The following ANKS6 variants were observed in gnomAD, a reference collection of about 807,000 sequenced individuals.
ANKS6 encodes the protein ankyrin repeat and sterile alpha motif domain containing 6.
ANKS6 carries 47 observed loss-of-function variants against 77.9 expected under a neutral mutation model. The observed-to-expected ratio is 0.60, with a 90% CI of 0.48 to 0.77. The LOEUF is 0.77. Among genes scored for constraint, ANKS6 ranks in the 30% least tolerant of loss-of-function variants. The pLI is 0.00. For missense variants in ANKS6, 1,150 were observed against 1,159.1 expected (o/e 0.99, Z 0.11); for synonymous variants, 488 against 501.7 (o/e 0.97, Z 0.37).
At position 98,760,091 on chromosome 9, in the gene ANKS6, A is replaced by G. The variant is rs911876543; in HGVS notation, c.2143-3488T>C. On this transcript the variant is annotated intron_variant, in intron 11 of 14. Coordinates refer to ENST00000353234, the MANE Select transcript of ANKS6 (RefSeq NM_173551.5). ...CTAAACATCACTATGTACCCCCTAA[A>G]TATGTACAATTATTATGTGTCAATG... Among the ~76,000 whole-genome samples, 5 of 152,258 alleles carry G rather than the reference A, an allele frequency of 3.3e-5. No homozygotes were observed. In the East Asian group the frequency reaches 9.7e-4, roughly 29 times the overall value.
In ANKS6 at chr9:98,734,320, C is replaced by T. The variant is rs182975400; in HGVS notation, c.*2199G>A. On this transcript the variant is annotated 3_prime_UTR_variant, in exon 15 of 15. Coordinates refer to ENST00000353234, the MANE Select transcript of ANKS6 (RefSeq NM_173551.5). ...CATCCAATGAGTTCATGGAGGTCTACATTTGTGAAAAGGTGACCCCCCGGT... is the reference window on the plus strand; with the variant it reads ...CATCCAATGAGTTCATGGAGGTCTATATTTGTGAAAAGGTGACCCCCCGGT... 122 of 985,484 alleles carry T rather than the reference C, an allele frequency of 1.2e-4. 1 individual carries two copies. In the East Asian group the frequency reaches 0.011, roughly 86 times the overall value. 61.0% of individuals were successfully genotyped at this position (985,484 alleles called of 1,614,324 possible). A position where few individuals can be genotyped will look rare whatever the true frequency, so the allele number is the denominator to read the frequency against.
At chr9:98,789,674 CCATT>C (rs1199791575) in intron 2 of ANKS6, among the ~76,000 whole-genome samples, 2 of 152,130 alleles carry the variant, frequency 1.3e-5, no homozygotes, top group Non-Finnish European at 2.9e-5. Context: ...ATAGCCACAC[CCATT>C]CATTTACTCA....
chr9:98,734,100 T>C lies in ANKS6; in HGVS notation c.*2419A>G, dbSNP rs965322720. On this transcript the variant is annotated 3_prime_UTR_variant, in exon 15 of 15. Transcript: ENST00000353234. The stretch of plus-strand genomic sequence containing the variant: ...ACACATGCCCCCGCTGGGGTGCCCT[T>C]TCTCTTCCCTGCCTACCAGCCGCAT... The C allele has an allele frequency of 2.1e-5, 21 of 985,328 alleles. No homozygotes were observed. Among genetic ancestry groups the C allele is most frequent in the African/African-American group, 1.4e-4 (8 of 57,216 alleles). The allele number at this position is 985,328 out of a possible 1,614,324, so 61.0% of individuals were successfully genotyped here. A position where few individuals can be genotyped will look rare whatever the true frequency, so the allele number is the denominator to read the frequency against.
Position 98,770,925 on chromosome 9 carries a change from C to G in ANKS6, c.1943G>C (p.Arg648Pro). ...SGGSSGVGVS[R>P]HGGELLNRSG... ...GCGGTTAAGCAGCTCCCCACCGTGCCGGCTCACACCTACCCCACTGGAGCC... is the reference window on the plus strand; with the variant it reads ...GCGGTTAAGCAGCTCCCCACCGTGCGGGCTCACACCTACCCCACTGGAGCC... Residue 648 changes from arginine to proline, a missense_variant, in exon 10 of 15, where the codon CGG becomes CCG. Physicochemically the swap from Arg to Pro is moderately radical, Grantham distance 103. Coordinates refer to ENST00000353234, the MANE Select transcript of ANKS6 (RefSeq NM_173551.5). The G allele has an allele frequency of 1.3e-6, 2 of 1,550,676 alleles. No individual in the cohort carries two copies. Among genetic ancestry groups the G allele is most frequent in the Non-Finnish European group, 1.7e-6 (2 of 1,146,378 alleles).
At chr9:98,790,970 C>T (rs1053155800) in intron 1 of ANKS6, among the ~76,000 whole-genome samples, 2 of 152,204 alleles carry the variant, frequency 1.3e-5, no homozygotes, top group Non-Finnish European at 2.9e-5. Context: ...TGCCTGGCCA[C>T]AGGAAACATC....
At chr9:98,787,516 T>C (rs1301610884) in intron 2 of ANKS6, among the ~76,000 whole-genome samples, 1 of 152,220 alleles carries the variant, frequency 6.6e-6, no homozygotes, top group Non-Finnish European at 1.5e-5. Flanking sequence ...TGTTCACTGA[T>C]GTATCCAAAG....
Position 98,735,950 on chromosome 9 carries a change from A to G in ANKS6, c.*569T>C. ...CTTGGACTAGGAGGGGCAAGTTAGA[A>G]GTTTTAAGGGAAGATGTGCCAGGAA... is the stretch of plus-strand genomic sequence containing the variant. On this transcript the variant is annotated 3_prime_UTR_variant, in exon 15 of 15. Transcript: ENST00000353234. 8.1e-7 allele frequency: 1 copy of G among 1,229,660 alleles called. No individual in the cohort carries two copies. The highest frequency in any genetic ancestry group is 1.0e-6 in the Non-Finnish European group (1 of 987,334). 76.2% of individuals were successfully genotyped at this position (1,229,660 alleles called of 1,614,324 possible).
chr9:98,769,799 G>A (rs1833523446), intron 10 of ANKS6, among the ~76,000 whole-genome samples: 1 of 152,156 alleles, frequency 6.6e-6, no homozygotes, highest in Non-Finnish European at 1.5e-5. Flanking sequence ...GCCTGCTGGG[G>A]CACTGAAGGA....
chr9:98,758,446 C>T (rs187661914), intron 11 of ANKS6, among the ~76,000 whole-genome samples: 5 of 151,916 alleles, frequency 3.3e-5, no homozygotes, highest in African/African-American at 1.2e-4. Context: ...TTCTCCAAAG[C>T]TTTCCAAGGT....
intron 1 of ANKS6, among the ~76,000 whole-genome samples, chr9:98,794,086 G>T (rs1157181729): frequency 4.0e-4 from 59 of 146,668 alleles, no homozygotes; most frequent in African/African-American, 1.4e-3. Flanking sequence ...GGAGGCGGAG[G>T]TTGCAGTGAG....
intron 8 of ANKS6, among the ~76,000 whole-genome samples, chr9:98,776,318 G>A (rs1833916742): frequency 6.6e-6 from 1 of 151,848 alleles, no homozygotes; most frequent in Admixed American, 6.6e-5. Flanking sequence ...TGTTCATTTA[G>A]ATGGGCACAG....
intron 14 of ANKS6, among the ~76,000 whole-genome samples, chr9:98,742,861 T>C (rs111239378): frequency 3.3e-5 from 5 of 151,490 alleles, no homozygotes; most frequent in African/African-American, 1.2e-4. Flanking sequence ...GAGGGGGAGA[T>C]GAATTTGAGA....
intron 2 of ANKS6, among the ~76,000 whole-genome samples, chr9:98,788,085 G>A (rs7853904): frequency 0.67 from 101,832 of 152,136 alleles, 35,054 homozygotes; most frequent in African/African-American, 0.83. Context: ...CGAACCAAGT[G>A]GACAGTGACC....
rs1831274303 is a variant in ANKS6, at chr9:98,732,842, A to G, written c.*3677T>C. On this transcript the variant is annotated 3_prime_UTR_variant, in exon 15 of 15. Coordinates refer to ENST00000353234, the MANE Select transcript of ANKS6 (RefSeq NM_173551.5). ...TCATTTTAAAGGACTAAAAACAGAA[A>G]AACAGGCACCCAACTGACCCTTCCT... 1 of 1,225,026 alleles carries G rather than the reference A, an allele frequency of 8.2e-7. No homozygotes were observed. The highest frequency in any genetic ancestry group is 1.0e-6 in the Non-Finnish European group (1 of 978,020). The allele number at this position is 1,225,026 out of a possible 1,614,324, so 75.9% of individuals were successfully genotyped here. A position where few individuals can be genotyped will look rare whatever the true frequency, so the allele number is the denominator to read the frequency against.
rs753269215 is a variant in ANKS6, at chr9:98,790,479, G to C, written c.487C>G (p.Leu163Val). The change falls in exon 2 of 15, where the codon CTC (leucine) becomes GTC (valine). Residue 163 changes from leucine to valine, a missense_variant. Physicochemically the swap from Leu to Val is conservative, Grantham distance 32 (BLOSUM62 1). Transcript: ENST00000353234. ...RGGHLGVVKL[L>V]LEAGAFVDHH... ...TCCACAAAGGCACCGGCTTCCAGGA[G>C]CAGCTTCACCACACCCAGGTGGCCG... is the stretch of plus-strand genomic sequence containing the variant. 1 of 1,613,632 alleles carries C rather than the reference G, an allele frequency of 6.2e-7. No homozygotes were observed. The highest frequency in any genetic ancestry group is 8.5e-7 in the Non-Finnish European group (1 of 1,179,988).
At chr9:98,747,086 G>A (rs983669455) in intron 13 of ANKS6, among the ~76,000 whole-genome samples, 1 of 152,192 alleles carries the variant, frequency 6.6e-6, no homozygotes, top group Non-Finnish European at 1.5e-5. Flanking sequence ...GGGTGGATGC[G>A]GGATCTACAA....
intron 11 of ANKS6, among the ~76,000 whole-genome samples, chr9:98,765,347 T>C (rs1833214767): frequency 6.6e-6 from 1 of 152,210 alleles, no homozygotes; most frequent in Non-Finnish European, 1.5e-5. Context: ...GGTAGGCTGA[T>C]TGTGTTAATG....
chr9:98,774,251 C>T (rs1833799476), intron 8 of ANKS6, among the ~76,000 whole-genome samples, 171 bp from the exon 9 acceptor site: 1 of 152,168 alleles, frequency 6.6e-6, no homozygotes, highest in East Asian at 1.9e-4. Flanking sequence ...CGCACAACAC[C>T]CATGTCTGCT....
At chr9:98,761,729 CT>C (rs1194587508) in intron 11 of ANKS6, among the ~76,000 whole-genome samples, 1 of 152,156 alleles carries the variant, frequency 6.6e-6, no homozygotes. Flanking sequence ...ATTTATTTGG[CT>C]TTTCTTGTGC....
Sources: allele counts gnomAD v4.1 joint callset (sites outside exome capture counted in the v4.1 genomes callset), GRCh38; gene constraint gnomAD v4.1.1; transcripts MANE v1.5; gene names NCBI Gene and HGNC (gene_info 2026-07-23, HGNC 2026-07-21).